Variants in HELZ observed in about 807,000 individuals in gnomAD.
HELZ encodes the protein helicase with zinc finger, also known as ATP-dependent RNA helicase with zinc finger domain.
Under a neutral mutation model 218.2 loss-of-function variants are expected in HELZ, and 23 were observed. The ratio of observed to expected loss-of-function variants is 0.11; its 90% CI spans 0.08 to 0.15. HELZ has a LOEUF of 0.15. Ranked by LOEUF, HELZ falls within the 10% of genes least tolerant of loss-of-function variation. The pLI, the probability that HELZ is intolerant of heterozygous loss-of-function variation, is 1.00. For missense variants in HELZ, 1,813 were observed against 2,353.7 expected, an observed-to-expected ratio of 0.77 and a Z score of 4.75; for synonymous variants, 814 against 829.4, an observed-to-expected ratio of 0.98 and a Z score of 0.32.
At chr17:67,225,104 A>G (rs543655827) in intron 3 of HELZ, 28 of 472,018 alleles carry the variant, frequency 5.9e-5, no homozygotes, top group South Asian at 5.0e-4. Context: ...TTACATATAT[A>G]TATAAGCCCA....
chr17:67,100,891 G>A (rs971871970), intron 31 of HELZ, among the ~76,000 whole-genome samples: 6 of 152,016 alleles, frequency 3.9e-5, no homozygotes, highest in Non-Finnish European at 7.4e-5. Context: ...ACGAGGTCAG[G>A]AGATTGAGAC....
chr17:67,111,723 G>A (rs953672586), intron 28 of HELZ, among the ~76,000 whole-genome samples: 12 of 152,154 alleles, frequency 7.9e-5, no homozygotes, highest in Non-Finnish European at 4.4e-5. Flanking sequence ...GAAGTGAGAA[G>A]CACGACAATT....
intron 12 of HELZ, among the ~76,000 whole-genome samples, chr17:67,184,219 TTAAC>T (rs1343632145): frequency 1.3e-5 from 2 of 152,330 alleles, no homozygotes; most frequent in East Asian, 3.9e-4. Context: ...GAGCCAATGA[TTAAC>T]TGAGCTACAC....
intron 3 of HELZ, chr17:67,224,884 C>T: frequency 2.6e-6 from 2 of 780,452 alleles, no homozygotes; most frequent in Non-Finnish European, 2.3e-6. Flanking sequence ...GCAAACTAAG[C>T]CGATCTTCCG....
intron 32 of HELZ, among the ~76,000 whole-genome samples, 198 bp downstream of exon 32, chr17:67,086,631 A>AAAT (rs1555594208): frequency 2.1e-5 from 2 of 93,318 alleles, no homozygotes; most frequent in Admixed American, 1.2e-4. Flanking sequence ...TATAAATATA[A>AAAT]ATATATATAT....
At chr17:67,243,543 G>A (rs1000712345) in intron 2 of HELZ, among the ~76,000 whole-genome samples, 1 of 152,334 alleles carries the variant, frequency 6.6e-6, no homozygotes, top group African/African-American at 2.4e-5. Context: ...ATAGCTGCAA[G>A]TAACATTTGG....
At chr17:67,082,858 T>G (rs796389529) in intron 32 of HELZ, among the ~76,000 whole-genome samples, 4 of 148,580 alleles carry the variant, frequency 2.7e-5, no homozygotes, top group Non-Finnish European at 5.9e-5. Context: ...TTTTTTTTTT[T>G]TGTTTTTTTT....
intron 5 of HELZ, among the ~76,000 whole-genome samples, chr17:67,204,635 A>G (rs2040250785): frequency 6.6e-6 from 1 of 152,296 alleles, no homozygotes; most frequent in Admixed American, 6.5e-5. Context: ...AAATCTTTAC[A>G]TATACCTTTT....
chr17:67,222,797 C>T (rs937183868), intron 3 of HELZ, among the ~76,000 whole-genome samples: 9 of 152,156 alleles, frequency 5.9e-5, no homozygotes, highest in South Asian at 2.1e-4. Context: ...ATGGATAATA[C>T]GCAGTGAGAG....
At position 67,078,448 on chromosome 17, in the gene HELZ, G is replaced by A. The variant is rs1421661320; in HGVS notation, c.5633C>T (p.Ser1878Leu). 6.3e-7 allele frequency: 1 copy of A among 1,593,282 alleles called. No individual in the cohort carries two copies. Among genetic ancestry groups the A allele is most frequent in the Non-Finnish European group, 8.5e-7 (1 of 1,172,122 alleles). ...PLMPNKQIAE[S>L]ANSSSPQSSA... The stretch of plus-strand genomic sequence containing the variant: ...GCTCTGGGGGCTACTGCTATTGGCC[G>A]ACTCCGCGATCTGCTTGTTAGGCAT... Residue 1878 changes from serine (S) to leucine (L), a missense_variant, in exon 33 of 33, where the codon TCG (serine) becomes TTG (leucine). Coordinates refer to ENST00000358691, the MANE Select transcript of HELZ (RefSeq NM_014877.4).
At chr17:67,221,678 C>T (rs998232718) in intron 3 of HELZ, among the ~76,000 whole-genome samples, 2 of 152,000 alleles carry the variant, frequency 1.3e-5, no homozygotes, top group East Asian at 1.9e-4. Flanking sequence ...TAATACCTAC[C>T]TCCTAGGGTT....
intron 15 of HELZ, among the ~76,000 whole-genome samples, chr17:67,162,283 A>G (rs1473074252): frequency 6.6e-6 from 1 of 152,202 alleles, no homozygotes; most frequent in Non-Finnish European, 1.5e-5. Context: ...ATTATGACAT[A>G]TAATCTCAAA....
At chr17:67,140,175 AAGCACCTGGATGGC>A in intron 21 of HELZ, among the ~76,000 whole-genome samples, 1 of 152,332 alleles carries the variant, frequency 6.6e-6, no homozygotes, top group South Asian at 2.1e-4. Flanking sequence ...AGCTGGATGG[AAGCACCTGGATGGC>A]AGCATGGATT....
rs78893276 is a variant in HELZ, at chr17:67,219,877, G to A, written c.-18-1055C>T. On this transcript the variant is annotated intron_variant, in intron 3 of 32. Coordinates refer to ENST00000358691, the MANE Select transcript of HELZ (RefSeq NM_014877.4). ...AGTAAGAAATAGCAGGAGTTTACAC[G>A]TTGTTTCTCCCTAGCTATAACACTC... 5.8e-4 allele frequency among the ~76,000 whole-genome samples: 89 copies of A among 152,316 alleles called. 2 individuals are homozygous for A. In the East Asian group the frequency reaches 0.015, roughly 26 times the overall value.
rs117806282 is a variant in HELZ at position 67,235,828 on chromosome 17, T to A, written c.-19+3605A>T. On this transcript the variant is annotated intron_variant, in intron 3 of 32. Transcript: ENST00000358691. ...TGTACGCAGTGGTGCTATCTCTATC[T>A]CGGCTCACTGCAAGCTCCACCTCCC... Among the ~76,000 whole-genome samples, 713 of 144,232 alleles carry A rather than the reference T, an allele frequency of 4.9e-3. 29 individuals carry two copies. The East Asian group carries it at 0.098, about 20-fold the overall frequency. 94.6% of individuals were successfully genotyped at this position (144,232 alleles called of 152,430 possible).
chr17:67,127,015 G>C (rs1263707841), intron 24 of HELZ, among the ~76,000 whole-genome samples: 1 of 152,080 alleles, frequency 6.6e-6, no homozygotes, highest in African/African-American at 2.4e-5. Context: ...CCTATTATGA[G>C]CCAGATTTTG....
intron 2 of HELZ, among the ~76,000 whole-genome samples, chr17:67,242,988 A>T (rs1241591757): frequency 2.0e-5 from 3 of 152,172 alleles, no homozygotes; most frequent in Non-Finnish European, 2.9e-5. Context: ...ACAATTACTT[A>T]TTATTTTTCT....
At chr17:67,230,221 C>T (rs995606000) in intron 3 of HELZ, among the ~76,000 whole-genome samples, 7 of 152,026 alleles carry the variant, frequency 4.6e-5, no homozygotes, top group African/African-American at 1.2e-4. Context: ...CAAATTGTTT[C>T]TTGAAGAGTT....
chr17:67,123,144 A>G lies in HELZ; in HGVS notation c.3456T>C (p.Ser1152=), dbSNP rs1598272080. 6.2e-7 allele frequency: 1 copy of G among 1,612,228 alleles called. No individual in the cohort carries two copies. Among genetic ancestry groups the G allele is most frequent in the Non-Finnish European group, 8.5e-7 (1 of 1,178,516 alleles). ...CTCTAATAGGATTGCCAATAAGTAC[A>G]GAAGGATTGGGCTGAACTGAAAAAT... is the stretch of plus-strand genomic sequence containing the variant. The part of the protein sequence containing the change: ...QNDGIVQPNP[S]VLIGNPIRAY... The change falls in exon 26 of 33, where the codon TCT becomes TCC. Residue 1152 remains serine, a synonymous_variant. Transcript: ENST00000358691.
Sources: allele counts gnomAD v4.1 joint callset (sites outside exome capture counted in the v4.1 genomes callset), GRCh38; gene constraint gnomAD v4.1.1; transcripts MANE v1.5; gene names NCBI Gene and HGNC (gene_info 2026-07-23, HGNC 2026-07-21).